The following ACSF2 variants were observed in gnomAD, a reference collection of about 807,000 sequenced individuals.
ACSF2 encodes medium-chain acyl-CoA ligase ACSF2, mitochondrial.
A neutral mutation model predicts 79.3 loss-of-function variants in ACSF2; 52 were observed. That is an observed-to-expected ratio of 0.66 (90% confidence interval 0.53 to 0.83). ACSF2 has a LOEUF of 0.83. ACSF2 is among the 40% of genes least tolerant of loss of function. The pLI, the probability that ACSF2 is intolerant of heterozygous loss-of-function variation, is 0.00. For synonymous variants in ACSF2, 283 were observed against 312.6 expected (o/e 0.91, Z 1.00); for missense variants, 661 against 803.3 (o/e 0.82, Z 2.14).
chr17:50,464,202 C>G lies in ACSF2; in HGVS notation c.1139-16C>G, dbSNP rs1048971556. On this transcript the variant is annotated splice_polypyrimidine_tract_variant and intron_variant, in intron 9 of 15. Coordinates refer to ENST00000300441, the MANE Select transcript of ACSF2 (RefSeq NM_025149.6). ...TGGAGAATTGGGGAGCTGTGTCAGC[C>G]CTCTCTCTGATTCAGGTGTCATTGC... The G allele has an allele frequency of 6.2e-7, 1 of 1,613,592 alleles. No individual in the cohort carries two copies. Among genetic ancestry groups the G allele is most frequent in the African/African-American group, 1.3e-5 (1 of 74,894 alleles).
intron 1 of ACSF2, chr17:50,450,467 C>T (rs2031597263): frequency 6.6e-6 from 1 of 150,824 alleles, no homozygotes; most frequent in Non-Finnish European, 1.5e-5. Context: ...TGCCACTGCA[C>T]TCCAGCCTGG....
At chr17:50,451,452 A>T (rs995341812) in intron 1 of ACSF2, among the ~76,000 whole-genome samples, 1 of 151,856 alleles carries the variant, frequency 6.6e-6, no homozygotes, top group East Asian at 1.9e-4. Flanking sequence ...TTGTTTTTTT[A>T]TTTTTTATTT....
At chr17:50,438,754 AT>A (rs2030638285) in intron 1 of ACSF2, among the ~76,000 whole-genome samples, 1 of 151,602 alleles carries the variant, frequency 6.6e-6, no homozygotes, top group Admixed American at 6.6e-5. Context: ...TTTAGTAGAC[AT>A]GGGGTTTCAC....
At chr17:50,468,415 G>C in intron 10 of ACSF2, 1 of 1,614,246 alleles carries the variant, frequency 6.2e-7, no homozygotes, top group Non-Finnish European at 8.5e-7. Context: ...CAGTGACCTT[G>C]TTGTGGTCCA....
intron 1 of ACSF2, among the ~76,000 whole-genome samples, chr17:50,442,014 A>AT (rs998282852): frequency 1.3e-5 from 2 of 151,508 alleles, no homozygotes; most frequent in South Asian, 2.1e-4. Flanking sequence ...AATTAAAAAC[A>AT]TTTTTTTTGG....
chr17:50,472,479 G>A lies in ACSF2; in HGVS notation c.1375G>A (p.Gly459Arg), dbSNP rs749903218. 5.6e-6 allele frequency: 9 copies of A among 1,612,744 alleles called. No individual in the cohort carries two copies. Among genetic ancestry groups the A allele is most frequent in the East Asian group, 4.5e-5 (2 of 44,768 alleles). Reference sequence around the variant, plus strand: ...GACGCTGGCAAAGCTGAACACGCCCGGGGAGCTGTGCATCCGAGGGTACTG... The same window carrying A: ...GACGCTGGCAAAGCTGAACACGCCCAGGGAGCTGTGCATCCGAGGGTACTG... ...AGTLAKLNTPGELCIRGYCVM... is the reference protein window; with the variant it reads ...AGTLAKLNTPRELCIRGYCVM... Residue 459 changes from glycine to arginine, a missense_variant, in exon 12 of 16, where the codon GGG becomes AGG. Physicochemically the swap from Gly to Arg is moderately radical, Grantham distance 125. Coordinates refer to ENST00000300441, the MANE Select transcript of ACSF2 (RefSeq NM_025149.6).
chr17:50,468,367 G>C, intron 10 of ACSF2: 1 of 1,614,168 alleles, frequency 6.2e-7, no homozygotes, highest in Non-Finnish European at 8.5e-7. Context: ...GCAAGATGAA[G>C]AGGTTGACCA....
intron 10 of ACSF2, chr17:50,465,596 T>G: frequency 1.3e-6 from 2 of 1,487,748 alleles, no homozygotes; most frequent in Non-Finnish European, 1.8e-6. Flanking sequence ...CAGGGTCCCA[T>G]GCTTATTAGG....
chr17:50,426,809 T>C, intron 1 of ACSF2: 3 of 1,326,720 alleles, frequency 2.3e-6, no homozygotes, highest in Non-Finnish European at 3.1e-6. Context: ...CCCAGGCCAC[T>C]AAACTTAGCA....
intron 1 of ACSF2, among the ~76,000 whole-genome samples, chr17:50,441,988 A>G (rs376666830): frequency 5.9e-5 from 9 of 151,988 alleles, no homozygotes; most frequent in African/African-American, 2.2e-4. Context: ...ACAGACACAC[A>G]CCAGCATGCC....
intron 10 of ACSF2, among the ~76,000 whole-genome samples, chr17:50,469,249 T>G (rs1363195168): frequency 2.0e-5 from 3 of 152,244 alleles, no homozygotes; most frequent in Non-Finnish European, 4.4e-5. Context: ...TGCTCAGGTT[T>G]GAGCCTCCAC....
chr17:50,443,910 C>G (rs2031116668), intron 1 of ACSF2, among the ~76,000 whole-genome samples: 1 of 152,174 alleles, frequency 6.6e-6, no homozygotes, highest in African/African-American at 2.4e-5. Flanking sequence ...AAAATAACCT[C>G]TCCCACTGAT....
chr17:50,426,231 A>T lies in ACSF2; in HGVS notation c.-31A>T. The T allele has an allele frequency of 7.8e-7, 1 of 1,287,866 alleles. No individual in the cohort carries two copies. 79.8% of individuals were successfully genotyped at this position (1,287,866 alleles called of 1,614,324 possible). On this transcript the variant is annotated 5_prime_UTR_variant, in exon 1 of 16. Coordinates refer to ENST00000300441, the MANE Select transcript of ACSF2 (RefSeq NM_025149.6). ...CCGCCCCGGCTCACTTTAAAAGTTT[A>T]CTCGGGCCGGGACGCAGGGCAAAGC...
chr17:50,474,039 C>G lies in ACSF2; in HGVS notation c.1728+35C>G. 8 of 1,544,482 alleles carry G rather than the reference C, an allele frequency of 5.2e-6. 1 individual carries two copies. The highest frequency in any genetic ancestry group is 2.5e-5 in the South Asian group (2 of 79,642). On this transcript the variant is annotated intron_variant, in intron 14 of 15. Coordinates refer to ENST00000300441, the MANE Select transcript of ACSF2 (RefSeq NM_025149.6). The surrounding 1 kb of genome is among the most constrained non-coding windows in gnomAD (Gnocchi z 4.2). ...TCCGCTCAACCTAGCTGATGCTGCT[C>G]TGTTCTTTGCTCACCCACTCCTCTG... is the stretch of plus-strand genomic sequence containing the variant.
In ACSF2 at chr17:50,452,752, A is replaced by G. The variant is rs1230341080; in HGVS notation, c.129-7925A>G. Among the ~76,000 whole-genome samples, 3 of 152,218 alleles carry G rather than the reference A, an allele frequency of 2.0e-5. No homozygotes were observed. The East Asian group carries it at 5.8e-4, about 29-fold the overall frequency. On this transcript the variant is annotated intron_variant, in intron 1 of 15. Coordinates refer to ENST00000300441, the MANE Select transcript of ACSF2 (RefSeq NM_025149.6). ...TGCCCCAGGCATTTGTGGTGTGGGC[A>G]AGGAAGGAGAATTGGTTTGTTTATG...
chr17:50,472,357 T>C lies in ACSF2; in HGVS notation c.1324-71T>C, dbSNP rs1427802165. The C allele has an allele frequency of 1.9e-6, 3 of 1,555,470 alleles. No individual in the cohort carries two copies. In the African/African-American group the frequency reaches 4.1e-5, roughly 21 times the overall value. On this transcript the variant is annotated intron_variant, in intron 11 of 15. Transcript: ENST00000300441. ...GGGGTTGGGGGCAGGCAAAGCTCTC[T>C]CCATTTCCAAGGACCACCTATCCTG...
At chr17:50,434,484 C>G (rs961683679) in intron 1 of ACSF2, among the ~76,000 whole-genome samples, 3 of 151,660 alleles carry the variant, frequency 2.0e-5, no homozygotes, top group African/African-American at 4.8e-5. Flanking sequence ...GTCAGGAGTT[C>G]AAGACCAGCC....
intron 1 of ACSF2, among the ~76,000 whole-genome samples, chr17:50,449,285 A>C (rs1241376598): frequency 6.7e-6 from 1 of 150,286 alleles, no homozygotes; most frequent in East Asian, 2.0e-4. Context: ...CCAAAGTGCT[A>C]GGATTACAGG....
At chr17:50,470,394 G>T (rs1420119968) in intron 10 of ACSF2, among the ~76,000 whole-genome samples, 19 of 152,136 alleles carry the variant, frequency 1.2e-4, no homozygotes, top group Admixed American at 1.2e-3. Flanking sequence ...TGGAAATGGG[G>T]GAGGTGGGGT....
Sources: allele counts gnomAD v4.1 joint callset (sites outside exome capture counted in the v4.1 genomes callset), GRCh38; gene constraint gnomAD v4.1.1; non-coding constraint Gnocchi (gnomAD v3.1); transcripts MANE v1.5; gene names NCBI Gene and HGNC (gene_info 2026-07-23, HGNC 2026-07-21).